PDE1C: variants seen among roughly 807,000 people sequenced by gnomAD.
PDE1C encodes the protein phosphodiesterase 1C.
PDE1C carries 62 observed loss-of-function variants against 93.1 expected under a neutral mutation model. The observed-to-expected ratio is 0.67, with a 90% CI of 0.54 to 0.82. PDE1C has a LOEUF of 0.82. PDE1C is among the 40% of genes least tolerant of loss of function. The pLI, the probability that PDE1C is intolerant of heterozygous loss-of-function variation, is 0.00. For synonymous variants in PDE1C, 325 were observed against 310.1 expected (o/e 1.05, Z -0.50); for missense variants, 742 against 884.6 (o/e 0.84, Z 2.04).
rs147386302 is a variant in PDE1C at position 32,020,549 on chromosome 7, A to G, written c.128+31005T>C. Among the ~76,000 whole-genome samples, 39 of 152,280 alleles carry G rather than the reference A, an allele frequency of 2.6e-4. No homozygotes were observed. The East Asian group carries it at 7.1e-3, about 28-fold the overall frequency. ...TGGCCACTTAAACCAAATTTCATAC[A>G]TAAGAAACACAGCTACTTGACAATC... is the stretch of plus-strand genomic sequence containing the variant. On this transcript the variant is annotated intron_variant, in intron 2 of 17. Transcript: ENST00000396191.
chr7:31,727,994 A>C, the PDE1C span, among the ~76,000 whole-genome samples: 1 of 152,182 alleles, frequency 6.6e-6, no homozygotes, highest in Non-Finnish European at 1.5e-5. Flanking sequence ...TAGTGAGCTG[A>C]GATCTCACCA....
At chr7:31,726,196 G>C in the PDE1C span, among the ~76,000 whole-genome samples, 1 of 151,994 alleles carries the variant, frequency 6.6e-6, no homozygotes, top group Non-Finnish European at 1.5e-5. Flanking sequence ...AATCTCCCAA[G>C]AAGTTAGGAC....
At chr7:31,635,185 T>C in the PDE1C span, among the ~76,000 whole-genome samples, 2 of 152,232 alleles carry the variant, frequency 1.3e-5, no homozygotes. Context: ...TTCTCATCCT[T>C]TGTCTCATTT....
chr7:32,412,989 C>A (rs556770863), intron 1 of PDE1C, among the ~76,000 whole-genome samples: 1 of 152,036 alleles, frequency 6.6e-6, no homozygotes, highest in Admixed American at 6.6e-5. Flanking sequence ...AGGAAACTCA[C>A]GGGGATGAGG....
intron 1 of PDE1C, among the ~76,000 whole-genome samples, chr7:32,347,754 T>C (rs950499953): frequency 1.2e-4 from 18 of 152,298 alleles, no homozygotes; most frequent in African/African-American, 3.6e-4. Flanking sequence ...TCTTCAGTTA[T>C]ATAGCTTCAA....
chr7:31,914,592 T>C (rs1801647724), intron 2 of PDE1C, among the ~76,000 whole-genome samples: 1 of 152,168 alleles, frequency 6.6e-6, no homozygotes, highest in East Asian at 1.9e-4. Flanking sequence ...TTAGGTAAAT[T>C]GATTCCTTTT....
intron 2 of PDE1C, among the ~76,000 whole-genome samples, chr7:31,962,641 G>C (rs1050823381): frequency 6.6e-6 from 1 of 152,138 alleles, no homozygotes; most frequent in Non-Finnish European, 1.5e-5. Context: ...GAGAGGACAT[G>C]GTTATTTTCA....
chr7:32,329,035 C>A (rs748870589), intron 1 of PDE1C, among the ~76,000 whole-genome samples: 3 of 152,060 alleles, frequency 2.0e-5, no homozygotes, highest in Non-Finnish European at 4.4e-5. Flanking sequence ...AGTTTGAGAC[C>A]AGCCTGGGCA....
intron 2 of PDE1C, among the ~76,000 whole-genome samples, chr7:32,020,175 A>C (rs1788454288): frequency 6.6e-6 from 1 of 152,082 alleles, no homozygotes; most frequent in South Asian, 2.1e-4. Context: ...CACTGAAGAA[A>C]GTGGTTTTTC....
intron 1 of PDE1C, among the ~76,000 whole-genome samples, chr7:32,371,821 A>AG (rs1784340881): frequency 1.3e-5 from 2 of 152,164 alleles, no homozygotes; most frequent in Admixed American, 1.3e-4. Context: ...TTTTTGCAGA[A>AG]ATTAACAAGC....
At chr7:31,759,333 T>C (rs1223250081) in intron 17 of PDE1C, among the ~76,000 whole-genome samples, 2 of 152,116 alleles carry the variant, frequency 1.3e-5, no homozygotes, top group African/African-American at 4.8e-5. Context: ...ATACCTAAAC[T>C]ATCGGAAGGG....
chr7:31,682,475 C>T, the PDE1C span, among the ~76,000 whole-genome samples: 1 of 152,142 alleles, frequency 6.6e-6, no homozygotes, highest in South Asian at 2.1e-4. Flanking sequence ...GTAACAACAT[C>T]AGAGCTGGTG....
In PDE1C at chr7:32,198,699, T is replaced by C. The variant is rs550567411; in HGVS notation, c.136+10790A>G. On this transcript the variant is annotated intron_variant, in intron 2 of 18. Transcript: ENST00000396193. ...GCCTCAAGAAAGTTTCCAGAAACTT[T>C]TCTTTGACAGCTCTGCTTACATTCT... Among the ~76,000 whole-genome samples the C allele has an allele frequency of 1.2e-4, 19 of 152,324 alleles. No homozygotes were observed. In the South Asian group the frequency reaches 3.7e-3, roughly 30 times the overall value.
chr7:31,701,337 G>C, the PDE1C span, among the ~76,000 whole-genome samples: 2 of 152,200 alleles, frequency 1.3e-5, no homozygotes, highest in Admixed American at 1.3e-4. Context: ...AATAGCAAGA[G>C]AATTAGAATT....
At chr7:31,990,746 G>T (rs780681447) in intron 2 of PDE1C, among the ~76,000 whole-genome samples, 2 of 152,112 alleles carry the variant, frequency 1.3e-5, no homozygotes. Context: ...TTTGGTAAGG[G>T]TTACTATGAA....
At chr7:31,824,686 G>A (rs561478898) in intron 13 of PDE1C, among the ~76,000 whole-genome samples, 181 bp downstream of exon 13, 2 of 152,050 alleles carry the variant, frequency 1.3e-5, no homozygotes, top group South Asian at 4.1e-4. Flanking sequence ...AGTTTAGCCT[G>A]GAGAGTACGG....
chr7:32,057,326 G>A (rs1017708523), intron 1 of PDE1C, among the ~76,000 whole-genome samples: 12 of 152,146 alleles, frequency 7.9e-5, no homozygotes, highest in African/African-American at 2.9e-4. Flanking sequence ...TAGTCTTAAT[G>A]TCTGTTTATG....
At chr7:32,117,521 C>G (rs1384277966) in intron 3 of PDE1C, among the ~76,000 whole-genome samples, 1 of 152,140 alleles carries the variant, frequency 6.6e-6, no homozygotes, top group Non-Finnish European at 1.5e-5. Flanking sequence ...GTATAGAACC[C>G]TTTCTCCTCT....
chr7:32,277,284 A>T (rs1811348629), intron 1 of PDE1C, among the ~76,000 whole-genome samples: 1 of 152,176 alleles, frequency 6.6e-6, no homozygotes, highest in Non-Finnish European at 1.5e-5. Flanking sequence ...ATGCATGCTA[A>T]GTTTTCCAAC....
Sources: gnomAD v4.1 joint callset for allele counts (sites outside exome capture counted in the v4.1 genomes callset) on GRCh38, gnomAD v4.1.1 for gene constraint, MANE v1.5 for transcripts, NCBI Gene and HGNC (gene_info 2026-07-23, HGNC 2026-07-21) for gene names.